The following FHIT variants were observed in gnomAD, a reference collection of about 807,000 sequenced individuals.
The protein encoded by FHIT is fragile histidine triad diadenosine triphosphatase.
In FHIT, 19 loss-of-function variants were observed where a neutral mutation model predicts 17.9. The ratio of observed to expected loss-of-function variants is 1.06; its 90% CI spans 0.74 to 1.56. The LOEUF is 1.56. Among genes scored for constraint, FHIT ranks in the 40% most tolerant of loss-of-function variants. The pLI is 0.00. For synonymous variants in FHIT, 81 were observed against 69.7 expected, an observed-to-expected ratio of 1.16 and a Z score of -0.81; for missense variants, 248 against 189.2, an observed-to-expected ratio of 1.31 and a Z score of -1.82.
At chr3:60,305,653 G>C (rs527238664) in intron 5 of FHIT, among the ~76,000 whole-genome samples, 1 of 152,172 alleles carries the variant, frequency 6.6e-6, no homozygotes, top group African/African-American at 2.4e-5. Context: ...TAACTGCCAA[G>C]AGCTTGGGTA....
chr3:60,657,661 C>A (rs367762641), intron 4 of FHIT, among the ~76,000 whole-genome samples: 5 of 152,094 alleles, frequency 3.3e-5, no homozygotes, highest in Non-Finnish European at 1.5e-5. Flanking sequence ...CCTAATCAGG[C>A]CTTAACTTTT....
chr3:61,105,311 CTTCGTTTCTGGA>C (rs1216324994), intron 2 of FHIT, among the ~76,000 whole-genome samples: 1 of 151,886 alleles, frequency 6.6e-6, no homozygotes, highest in African/African-American at 2.4e-5. Flanking sequence ...GCCCCACTGG[CTTCGTTTCTGGA>C]AAATTTTAGG....
At chr3:60,781,060 A>G (rs990402435) in intron 4 of FHIT, among the ~76,000 whole-genome samples, 1 of 152,212 alleles carries the variant, frequency 6.6e-6, no homozygotes, top group Non-Finnish European at 1.5e-5. Context: ...AGCTGAACTA[A>G]GGAAAAGTCC....
intron 1 of FHIT, among the ~76,000 whole-genome samples, chr3:61,240,084 G>A (rs1311979040): frequency 6.6e-6 from 1 of 152,122 alleles, no homozygotes; most frequent in Non-Finnish European, 1.5e-5. Context: ...GGAAGTTCAA[G>A]AGGCTAGAGG....
At chr3:60,166,725 C>G (rs920963782) in intron 5 of FHIT, among the ~76,000 whole-genome samples, 1 of 152,112 alleles carries the variant, frequency 6.6e-6, no homozygotes, top group Non-Finnish European at 1.5e-5. Context: ...CTTTCATGTC[C>G]TGGGTTTCTC....
At chr3:60,860,165 C>CTG (rs1559778132) in intron 3 of FHIT, among the ~76,000 whole-genome samples, 3,433 of 78,658 alleles carry the variant, frequency 0.044, 651 homozygotes, top group African/African-American at 0.09. Context: ...TGATATACAT[C>CTG]ATATGTATAT....
intron 4 of FHIT, among the ~76,000 whole-genome samples, chr3:60,542,987 A>G (rs188210787): frequency 1.3e-5 from 2 of 152,358 alleles, no homozygotes; most frequent in Admixed American, 6.5e-5. Flanking sequence ...CCTAGTACCA[A>G]TTCCTGGGAA....
intron 2 of FHIT, among the ~76,000 whole-genome samples, chr3:61,049,536 C>T (rs922244058): frequency 9.9e-5 from 15 of 152,018 alleles, no homozygotes; most frequent in African/African-American, 3.1e-4. Flanking sequence ...TCTGACAATA[C>T]CTGAATGAAC....
intron 3 of FHIT, among the ~76,000 whole-genome samples, chr3:61,000,238 G>T (rs1469823127): frequency 1.3e-5 from 2 of 152,184 alleles, no homozygotes; most frequent in South Asian, 2.1e-4. Context: ...CAAGTAGGGT[G>T]ATAAGCCCTT....
chr3:60,433,766 T>C lies in FHIT; in HGVS notation c.103+103094A>G, dbSNP rs116651315. Among the ~76,000 whole-genome samples, 809 of 152,252 alleles carry C rather than the reference T, an allele frequency of 5.3e-3. 8 individuals carry two copies. The highest frequency in any genetic ancestry group is 0.019 in the African/African-American group (778 of 41,554). ...CCTTTTGCTCATTTTGTAACCAAGT[T>C]GAGTGGATTTTTTTGGCTATTGAGT... On this transcript the variant is annotated intron_variant, in intron 5 of 9. Transcript: ENST00000492590.
intron 3 of FHIT, among the ~76,000 whole-genome samples, chr3:60,890,962 T>C (rs1705485920): frequency 6.6e-6 from 1 of 152,238 alleles, no homozygotes; most frequent in African/African-American, 2.4e-5. Context: ...CATGAGCTAC[T>C]GTCATGGGCA....
chr3:60,557,005 A>G (rs920600740), intron 4 of FHIT, among the ~76,000 whole-genome samples: 5 of 152,258 alleles, frequency 3.3e-5, no homozygotes, highest in African/African-American at 4.8e-5. Flanking sequence ...CCATTCCGTT[A>G]GAAAACTTGT....
chr3:60,124,929 G>A (rs1294771671), intron 5 of FHIT, among the ~76,000 whole-genome samples: 1 of 152,154 alleles, frequency 6.6e-6, no homozygotes, highest in East Asian at 1.9e-4. Flanking sequence ...CTTGCTAGGG[G>A]TCAAAACCCA....
intron 8 of FHIT, among the ~76,000 whole-genome samples, chr3:59,808,609 C>T (rs915904768): frequency 6.6e-6 from 1 of 152,196 alleles, no homozygotes; most frequent in Non-Finnish European, 1.5e-5. Context: ...AGACAATCTT[C>T]TCACTCAAGC....
intron 5 of FHIT, among the ~76,000 whole-genome samples, chr3:60,066,252 A>G (rs907394546): frequency 2.0e-5 from 3 of 152,150 alleles, no homozygotes; most frequent in Admixed American, 1.3e-4. Flanking sequence ...TTAGTTTTGA[A>G]GTTCATTTCT....
At chr3:60,593,892 T>C (rs1427798562) in intron 4 of FHIT, among the ~76,000 whole-genome samples, 1 of 152,128 alleles carries the variant, frequency 6.6e-6, no homozygotes, top group Non-Finnish European at 1.5e-5. Context: ...TCCTATGAGA[T>C]GGGAGGCTGC....
intron 5 of FHIT, among the ~76,000 whole-genome samples, chr3:60,441,710 A>ATATATATGTATTTGTATT (rs2030821977): frequency 2.1e-5 from 2 of 96,506 alleles, no homozygotes; most frequent in East Asian, 6.3e-4. Context: ...ATTTATATAT[A>ATATATATGTATTTGTATT]TATATATATA....
At chr3:59,879,786 T>A (rs1335316960) in intron 8 of FHIT, among the ~76,000 whole-genome samples, 2 of 152,220 alleles carry the variant, frequency 1.3e-5, no homozygotes, top group Admixed American at 6.5e-5. Context: ...GTTCCTCATA[T>A]AACATGAATG....
At chr3:60,042,554 G>C (rs192660084) in intron 5 of FHIT, among the ~76,000 whole-genome samples, 2 of 152,100 alleles carry the variant, frequency 1.3e-5, no homozygotes, top group African/African-American at 4.8e-5. Flanking sequence ...TCCTCACACT[G>C]TCTTCCCTCT....
Sources: allele counts gnomAD v4.1 joint callset (sites outside exome capture counted in the v4.1 genomes callset), GRCh38; gene constraint gnomAD v4.1.1; transcripts MANE v1.5; gene names NCBI Gene and HGNC (gene_info 2026-07-23, HGNC 2026-07-21).